The following NGF variants were observed in gnomAD, a reference collection of about 807,000 sequenced individuals.
NGF encodes beta-nerve growth factor.
A neutral mutation model predicts 12.8 loss-of-function variants in NGF; 4 were observed. The observed-to-expected ratio is 0.31, with a 90% CI of 0.15 to 0.72. NGF has a LOEUF of 0.72. NGF is among the 30% of genes least tolerant of loss of function. The pLI, the probability that NGF is intolerant of heterozygous loss-of-function variation, is 0.69. For missense variants in NGF, 283 were observed against 330.8 expected, an observed-to-expected ratio of 0.86 and a Z score of 1.12; for synonymous variants, 140 against 130.0, an observed-to-expected ratio of 1.08 and a Z score of -0.52.
intron 1 of NGF, among the ~76,000 whole-genome samples, chr1:115,320,991 G>C (rs752051698): frequency 1.3e-5 from 2 of 152,152 alleles, no homozygotes; most frequent in Non-Finnish European, 2.9e-5. Flanking sequence ...ACATTTTCTG[G>C]AGGACCTCTC....
In NGF at chr1:115,337,263, T is replaced by TTTTG. The variant is rs1557950744; in HGVS notation, c.-137+937_-137+940dup. ...AATCTCGAAATTTTTTTTGTTTTGT[T>TTTTG]TTTGTTTTTTTTTTTTTTTTTTTTT... On this transcript the variant is annotated intron_variant, in intron 1 of 2. Coordinates refer to ENST00000369512, the MANE Select transcript of NGF (RefSeq NM_002506.3). 6.2e-4 allele frequency among the ~76,000 whole-genome samples: 51 copies of TTTTG among 82,714 alleles called. 1 individual carries two copies. Among genetic ancestry groups the TTTTG allele is most frequent in the East Asian group, 2.0e-3 (3 of 1,482 alleles). 54.3% of individuals were successfully genotyped at this position (82,714 alleles called of 152,430 possible). A position where few individuals can be genotyped will look rare whatever the true frequency, so the allele number is the denominator to read the frequency against.
chr1:115,337,247 A>ATTTTTTTTGTTTTGTTTTTG (rs1557950665), intron 1 of NGF, among the ~76,000 whole-genome samples: 2 of 87,932 alleles, frequency 2.3e-5, no homozygotes, highest in Non-Finnish European at 5.0e-5. Flanking sequence ...GAATCTCGAA[A>ATTTTTTTTGTTTTGTTTTTG]TTTTTTTTGT....
chr1:115,315,326 A>G (rs1654447879), intron 1 of NGF, among the ~76,000 whole-genome samples: 2 of 152,220 alleles, frequency 1.3e-5, no homozygotes, highest in African/African-American at 4.8e-5. Context: ...CAGCTCCTGC[A>G]ATTATCCAGG....
Position 115,313,290 on chromosome 1 carries a change from G to A in NGF, c.-136-19540C>T, listed in dbSNP as rs542963143. On this transcript the variant is annotated intron_variant, in intron 1 of 2. Transcript: ENST00000369512. Reference sequence around the variant, plus strand: ...TGGATGCACATCTTTGAAAATCTTTGGAGTTGTCTTTTCTTAATATTCCCA... The same window carrying A: ...TGGATGCACATCTTTGAAAATCTTTAGAGTTGTCTTTTCTTAATATTCCCA... Among the ~76,000 whole-genome samples the A allele has an allele frequency of 6.6e-5, 10 of 152,248 alleles. No individual in the cohort carries two copies. In the East Asian group the frequency reaches 1.9e-3, roughly 29 times the overall value.
intron 1 of NGF, among the ~76,000 whole-genome samples, chr1:115,335,280 T>C (rs1349945386): frequency 1.3e-5 from 2 of 152,234 alleles, no homozygotes; most frequent in African/African-American, 4.8e-5. Context: ...AGCCTCAGGA[T>C]CATCCTGGCC....
At chr1:115,304,426 G>A (rs1439591154) in intron 1 of NGF, among the ~76,000 whole-genome samples, 2 of 150,438 alleles carry the variant, frequency 1.3e-5, no homozygotes, top group Admixed American at 6.7e-5. Context: ...CGCCCACCTC[G>A]GCCTCCCAAA....
At chr1:115,337,261 GTTTTTGTTTTTT>G (rs1571103789) in intron 1 of NGF, among the ~76,000 whole-genome samples, 10 of 11,756 alleles carry the variant, frequency 8.5e-4, no homozygotes, top group African/African-American at 2.3e-3. Context: ...TTTTTGTTTT[GTTTTTGTTTTTT>G]TTTTTTTTTT....
chr1:115,287,314 G>C (rs552825578), intron 2 of NGF, among the ~76,000 whole-genome samples: 35 of 152,258 alleles, frequency 2.3e-4, no homozygotes, highest in African/African-American at 7.9e-4. Flanking sequence ...CCTCAGAACT[G>C]GGTACCCCCT....
At chr1:115,337,160 G>C (rs1240966945) in intron 1 of NGF, among the ~76,000 whole-genome samples, 1 of 150,904 alleles carries the variant, frequency 6.6e-6, no homozygotes, top group African/African-American at 2.4e-5. Flanking sequence ...GGAAAAACCA[G>C]CCTAGCAAGC....
intron 1 of NGF, among the ~76,000 whole-genome samples, chr1:115,304,996 C>T (rs1654159753): frequency 6.6e-6 from 1 of 152,042 alleles, no homozygotes; most frequent in Non-Finnish European, 1.5e-5. Context: ...ATAGAAATCC[C>T]CAAGAGTCCT....
At chr1:115,307,321 A>G (rs756324692) in intron 1 of NGF, among the ~76,000 whole-genome samples, 3 of 152,164 alleles carry the variant, frequency 2.0e-5, no homozygotes, top group Non-Finnish European at 2.9e-5. Context: ...AAGCAGGAAA[A>G]CAACAGAGGG....
intron 1 of NGF, among the ~76,000 whole-genome samples, chr1:115,316,349 G>A (rs1654475657): frequency 6.6e-6 from 1 of 152,184 alleles, no homozygotes; most frequent in African/African-American, 2.4e-5. Flanking sequence ...GGCCCTGGAT[G>A]TTTGTTTTAC....
chr1:115,316,141 G>A (rs888449985), intron 1 of NGF, among the ~76,000 whole-genome samples: 3 of 152,260 alleles, frequency 2.0e-5, no homozygotes, highest in Admixed American at 2.0e-4. Flanking sequence ...AGCAGTCAGG[G>A]CCCTAGAGTC....
chr1:115,308,657 C>T (rs140321083), intron 1 of NGF, among the ~76,000 whole-genome samples: 52 of 151,466 alleles, frequency 3.4e-4, no homozygotes, highest in African/African-American at 1.3e-3. Flanking sequence ...GAGGATTAAA[C>T]TTGTGTAGAT....
chr1:115,319,867 A>G (rs1654569925), intron 1 of NGF, among the ~76,000 whole-genome samples: 2 of 152,136 alleles, frequency 1.3e-5, no homozygotes, highest in Non-Finnish European at 1.5e-5. Flanking sequence ...CTGACTTGAG[A>G]TCTGCCTGGC....
At chr1:115,291,920 G>T (rs1037066302) in intron 2 of NGF, among the ~76,000 whole-genome samples, 3 of 152,154 alleles carry the variant, frequency 2.0e-5, no homozygotes, top group Admixed American at 2.0e-4. Context: ...CAAGAGCCAC[G>T]AGTGATTCTT....
chr1:115,332,764 T>C (rs1654958089), intron 1 of NGF, among the ~76,000 whole-genome samples: 1 of 152,128 alleles, frequency 6.6e-6, no homozygotes, highest in Non-Finnish European at 1.5e-5. Context: ...TTTCCTGGAG[T>C]ACCCCGTCCT....
intron 1 of NGF, among the ~76,000 whole-genome samples, chr1:115,312,606 C>T (rs1654364149): frequency 6.6e-6 from 1 of 152,152 alleles, no homozygotes; most frequent in Non-Finnish European, 1.5e-5. Flanking sequence ...TTGACAGATA[C>T]CAGAGTTGCT....
At chr1:115,309,443 A>G (rs1225466347) in intron 1 of NGF, among the ~76,000 whole-genome samples, 2 of 152,210 alleles carry the variant, frequency 1.3e-5, no homozygotes, top group Non-Finnish European at 2.9e-5. Flanking sequence ...AATTATTATT[A>G]TACTTTAAGT....
Sources: gnomAD v4.1 joint callset for allele counts (sites outside exome capture counted in the v4.1 genomes callset) on GRCh38, gnomAD v4.1.1 for gene constraint, MANE v1.5 for transcripts, NCBI Gene and HGNC (gene_info 2026-07-23, HGNC 2026-07-21) for gene names.